Variants in ITGA1 observed in about 807,000 individuals in gnomAD.
The protein encoded by ITGA1 is integrin subunit alpha 1, also known as integrin alpha-1.
A neutral mutation model predicts 145.9 loss-of-function variants in ITGA1; 85 were observed. The observed-to-expected ratio is 0.58, with a 90% CI of 0.49 to 0.70. ITGA1 has a LOEUF of 0.70. ITGA1 is among the 30% of genes least tolerant of loss of function. The pLI, the probability that ITGA1 is intolerant of heterozygous loss-of-function variation, is 0.00. For synonymous variants in ITGA1, 520 were observed against 495.3 expected (o/e 1.05, Z -0.66); for missense variants, 1,351 against 1,418.7 (o/e 0.95, Z 0.77).
At chr5:52,932,180 C>T (rs373899393) in intron 22 of ITGA1, 44 bp downstream of exon 22, 2 of 1,224,916 alleles carry the variant, frequency 1.6e-6, no homozygotes, top group South Asian at 1.3e-5. Context: ...TTCTATTAAC[C>T]CAGTGGTTCT....
In ITGA1 at chr5:52,839,023, C is replaced by T. The variant is rs1204489462; in HGVS notation, c.62-10342C>T. ...GAGGTGGAAGAATCACTTGAGCTGGCGAGGCCGAGGCTGCAGTGAGCCATG... is the reference window on the plus strand; with the variant it reads ...GAGGTGGAAGAATCACTTGAGCTGGTGAGGCCGAGGCTGCAGTGAGCCATG... On this transcript the variant is annotated intron_variant, in intron 1 of 28. Coordinates refer to ENST00000282588, the MANE Select transcript of ITGA1 (RefSeq NM_181501.2). Among the ~76,000 whole-genome samples the T allele has an allele frequency of 2.6e-5, 4 of 152,024 alleles. No individual in the cohort carries two copies. The East Asian group carries it at 5.8e-4, about 22-fold the overall frequency.
At position 52,954,847 on chromosome 5, in the gene ITGA1, G is replaced by T. The variant is rs891025008; in HGVS notation, c.*2396G>T. ...ATTATTTAAAAAACAAGTACAGAGC[G>T]TTTGATTAAAAAAAGTCAACAAATG... On this transcript the variant is annotated 3_prime_UTR_variant, in exon 29 of 29. Transcript: ENST00000282588. 6.6e-6 allele frequency: 1 copy of T among 151,852 alleles called. No homozygotes were observed. The highest frequency in any genetic ancestry group is 1.5e-5 in the Non-Finnish European group (1 of 67,974). 9.4% of individuals were successfully genotyped at this position (151,852 alleles called of 1,614,324 possible).
chr5:52,872,575 A>AT (rs58664401), intron 6 of ITGA1, among the ~76,000 whole-genome samples: 1,030 of 98,370 alleles, frequency 0.01, 72 homozygotes, highest in South Asian at 0.073. Flanking sequence ...GCCTCAGTCA[A>AT]TTTTTTTTTT....
At chr5:52,929,800 C>T in intron 21 of ITGA1, 99 bp downstream of exon 21, 1 of 639,308 alleles carries the variant, frequency 1.6e-6, no homozygotes, top group East Asian at 2.9e-5. Flanking sequence ...CAGTTTCTTC[C>T]AGGTTGTAGG....
At position 52,952,589 on chromosome 5, in the gene ITGA1, A is replaced by G. The variant is rs1751239221; in HGVS notation, c.*138A>G. On this transcript the variant is annotated 3_prime_UTR_variant, in exon 29 of 29. Transcript: ENST00000282588. ...CCATCAGGGATTCATTACTTGGAAA[A>G]TGACAGGTCATGCATTATCCAAAAA... is the stretch of plus-strand genomic sequence containing the variant. 1 of 401,100 alleles carries G rather than the reference A, an allele frequency of 2.5e-6. No homozygotes were observed. Among genetic ancestry groups the G allele is most frequent in the Non-Finnish European group, 4.6e-6 (1 of 216,518 alleles). The allele number at this position is 401,100 out of a possible 1,614,324, so 24.8% of individuals were successfully genotyped here.
chr5:52,949,357 A>G (rs571582890), intron 28 of ITGA1, among the ~76,000 whole-genome samples: 2 of 152,350 alleles, frequency 1.3e-5, no homozygotes, highest in South Asian at 4.1e-4. Flanking sequence ...TGAGATTCAG[A>G]GTAAGGATCT....
rs1190702337 is a variant in ITGA1 at position 52,835,444 on chromosome 5, AT to A, written c.62-13918del. ...ACCAGGCTAAGAATTGAAGAAAGGA[AT>A]TTCCAGAAGTGGGGAAAACTTTAGC... is the stretch of plus-strand genomic sequence containing the variant. On this transcript the variant is annotated intron_variant, in intron 1 of 28. Transcript: ENST00000282588. Among the ~76,000 whole-genome samples the A allele has an allele frequency of 3.3e-5, 5 of 152,120 alleles. No homozygotes were observed. The East Asian group carries it at 9.6e-4, about 29-fold the overall frequency.
intron 26 of ITGA1, among the ~76,000 whole-genome samples, chr5:52,941,363 T>G (rs567872921): frequency 3.3e-5 from 5 of 152,356 alleles, no homozygotes; most frequent in African/African-American, 9.6e-5. Context: ...TGCTTTCCAC[T>G]GGCTGAACTA....
intron 23 of ITGA1, among the ~76,000 whole-genome samples, chr5:52,936,954 G>C (rs1750973649): frequency 6.6e-6 from 1 of 151,820 alleles, no homozygotes; most frequent in South Asian, 2.1e-4. Flanking sequence ...TGATTTATGG[G>C]TTTAAGGAAT....
intron 19 of ITGA1, 136 bp downstream of exon 19, chr5:52,925,623 A>G (rs1579723725): frequency 3.1e-6 from 2 of 644,846 alleles, no homozygotes; most frequent in African/African-American, 1.8e-5. Flanking sequence ...GTCCTCACCA[A>G]TGGTGAAAGT....
rs1225471544 is a variant in ITGA1, at chr5:52,956,808, G to T, written c.*4357G>T. On this transcript the variant is annotated 3_prime_UTR_variant, in exon 29 of 29. Coordinates refer to ENST00000282588, the MANE Select transcript of ITGA1 (RefSeq NM_181501.2). ...TGGATGCTGTATTTATAACTAAAAT[G>T]TACAGTTTAATTCTAAATAGCAGGC... 6.6e-6 allele frequency: 1 copy of T among 152,194 alleles called. No individual in the cohort carries two copies. The highest frequency in any genetic ancestry group is 2.4e-5 in the African/African-American group (1 of 41,452). 9.4% of individuals were successfully genotyped at this position (152,194 alleles called of 1,614,324 possible).
chr5:52,899,042 T>A (rs1452371810), intron 11 of ITGA1, among the ~76,000 whole-genome samples: 1 of 152,070 alleles, frequency 6.6e-6, no homozygotes, highest in Non-Finnish European at 1.5e-5. Context: ...AAAAAGATAT[T>A]CACCAACAGT....
At chr5:52,851,862 C>A (rs1385418334) in intron 2 of ITGA1, among the ~76,000 whole-genome samples, 1 of 152,116 alleles carries the variant, frequency 6.6e-6, no homozygotes, top group Non-Finnish European at 1.5e-5. Flanking sequence ...TTATGTAATA[C>A]ATTTTATGTG....
intron 14 of ITGA1, among the ~76,000 whole-genome samples, chr5:52,910,789 A>G (rs1177387814): frequency 6.9e-6 from 1 of 145,316 alleles, no homozygotes; most frequent in African/African-American, 2.5e-5. Flanking sequence ...CTATATATAC[A>G]AATAGTATAA....
chr5:52,918,945 A>G, intron 16 of ITGA1, 47 bp downstream of exon 16: 1 of 1,465,226 alleles, frequency 6.8e-7, no homozygotes, highest in African/African-American at 1.4e-5. Context: ...AGGACAATAT[A>G]TTTGCTCTAG....
rs10657085 is a variant in ITGA1, at chr5:52,912,754, A to ATTT, written c.1857+2343_1857+2345dup. 1.7e-3 allele frequency among the ~76,000 whole-genome samples: 240 copies of ATTT among 139,432 alleles called. 1 individual carries two copies. The highest frequency in any genetic ancestry group is 6.3e-3 in the African/African-American group (229 of 36,184). The allele number at this position is 139,432 out of a possible 152,430, so 91.5% of individuals were successfully genotyped here. ...TGTGTGTGTGTGTATATATATATATATTTTTTTTTTGAGACGGAGTCTCGC... is the reference window on the plus strand; with the variant it reads ...TGTGTGTGTGTGTATATATATATATATTTTTTTTTTTTTGAGACGGAGTCTCGC... On this transcript the variant is annotated intron_variant, in intron 14 of 28. Coordinates refer to ENST00000282588, the MANE Select transcript of ITGA1 (RefSeq NM_181501.2).
chr5:52,795,364 T>C (rs1748321020), intron 1 of ITGA1, among the ~76,000 whole-genome samples: 1 of 151,742 alleles, frequency 6.6e-6, no homozygotes, highest in Admixed American at 6.6e-5. Context: ...CCTTCCAAAA[T>C]AAAATACAAG....
chr5:52,861,704 C>G, intron 3 of ITGA1, 145 bp downstream of exon 3: 1 of 604,556 alleles, frequency 1.7e-6, no homozygotes, highest in Non-Finnish European at 3.0e-6. Context: ...AACCTCATCT[C>G]TACAAAATAT....
chr5:52,808,676 C>CTTTTTTTTTTTTTTTTTTTTTTTT (rs60113844), intron 1 of ITGA1, among the ~76,000 whole-genome samples: 18 of 69,330 alleles, frequency 2.6e-4, no homozygotes, highest in African/African-American at 5.7e-4. Flanking sequence ...TTCTTTCTTT[C>CTTTTTTTTTTTTTTTTTTTTTTTT]TTTTTTTTTT....
Sources: allele counts gnomAD v4.1 joint callset (sites outside exome capture counted in the v4.1 genomes callset), GRCh38; gene constraint gnomAD v4.1.1; transcripts MANE v1.5; gene names NCBI Gene and HGNC (gene_info 2026-07-23, HGNC 2026-07-21).